Variants in KIAA0586 observed in about 807,000 individuals in gnomAD.
KIAA0586 encodes the protein protein TALPID3.
Under a neutral mutation model 169.8 loss-of-function variants are expected in KIAA0586, and 144 were observed. That is an observed-to-expected ratio of 0.85 (90% CI 0.74 to 0.97). KIAA0586 has a LOEUF of 0.97. KIAA0586 is among the 50% of genes least tolerant of loss of function. The probability of loss-of-function intolerance (pLI) is 0.00; values close to 1 mark genes in which losing one functional copy is unlikely to be tolerated. For missense variants in KIAA0586, 1,854 were observed against 1,823.0 expected (o/e 1.02, Z -0.31); for synonymous variants, 625 against 612.4 (o/e 1.02, Z -0.30).
chr14:58,462,236 T>G (rs2040383448), intron 14 of KIAA0586, among the ~76,000 whole-genome samples: 1 of 145,992 alleles, frequency 6.8e-6, no homozygotes, highest in African/African-American at 2.5e-5. Context: ...TCTTATTTAG[T>G]GTAGTTTTGC....
chr14:58,556,028 AT>A (rs1368336787), downstream of KIAA0586, among the ~76,000 whole-genome samples: 1 of 152,232 alleles, frequency 6.6e-6, no homozygotes, highest in Non-Finnish European at 1.5e-5. Context: ...CTTATAATGC[AT>A]TTTCAATGTC....
intron 26 of KIAA0586, among the ~76,000 whole-genome samples, chr14:58,493,059 C>A (rs1361486881): frequency 6.6e-6 from 1 of 151,938 alleles, no homozygotes; most frequent in African/African-American, 2.4e-5. Context: ...GAGTATGAAG[C>A]CATAAACAAA....
intron 28 of KIAA0586, among the ~76,000 whole-genome samples, chr14:58,510,832 T>C (rs2044334756): frequency 6.6e-6 from 1 of 151,960 alleles, no homozygotes. Flanking sequence ...TGGATGGTTC[T>C]TACAAAAGTT....
At position 58,467,800 on chromosome 14, in the gene KIAA0586, G is replaced by A. The variant is rs1377658072; in HGVS notation, c.2320G>A (p.Val774Ile). The A allele has an allele frequency of 4.5e-5, 72 of 1,613,484 alleles. No individual in the cohort carries two copies. The highest frequency in any genetic ancestry group is 5.8e-5 in the Non-Finnish European group (69 of 1,179,588). Residue 774 changes from valine to isoleucine, a missense_variant, in exon 16 of 31, where the codon GTA becomes ATA. Coordinates refer to ENST00000652326, the MANE Select transcript of KIAA0586 (RefSeq NM_001329943.3). ...AGTGATTGTCAGCAAGCCACACCCT[G>A]TAACTGTGACTACTTCTATTCCTCC... ...AGVIVSKPHP[V>I]TVTTSIPPSS... is the part of the protein sequence containing the mutation.
chr14:58,455,984 C>T (rs190300853), intron 9 of KIAA0586, among the ~76,000 whole-genome samples: 1 of 152,210 alleles, frequency 6.6e-6, no homozygotes, highest in East Asian at 1.9e-4. Flanking sequence ...CTTGTTTGCC[C>T]CAACTAGTGT....
chr14:58,540,829 ATACTT>A lies in KIAA0586; in HGVS notation c.4495+694_4495+698del, dbSNP rs570775305. Among the ~76,000 whole-genome samples, 185 of 152,368 alleles carry A rather than the reference ATACTT, an allele frequency of 1.2e-3. 1 individual carries two copies. Among genetic ancestry groups the A allele is most frequent in the African/African-American group, 4.4e-3 (181 of 41,588 alleles). ...AAAAGTAAATAAAATATTGCATACT[ATACTT>A]AACATCAAATGATGAGGCACCTTCT... On this transcript the variant is annotated intron_variant, in intron 30 of 30. Coordinates refer to ENST00000652326, the MANE Select transcript of KIAA0586 (RefSeq NM_001329943.3).
intron 27 of KIAA0586, among the ~76,000 whole-genome samples, chr14:58,502,948 C>T (rs958052365): frequency 2.0e-5 from 3 of 152,034 alleles, no homozygotes; most frequent in Non-Finnish European, 4.4e-5. Context: ...TTACTTTGCC[C>T]CTCCCCACCC....
At chr14:58,494,026 T>C (rs1337975819) in intron 26 of KIAA0586, among the ~76,000 whole-genome samples, 2 of 152,200 alleles carry the variant, frequency 1.3e-5, no homozygotes, top group East Asian at 1.9e-4. Context: ...CTAATATCAG[T>C]GTATTTATTC....
intron 2 of KIAA0586, among the ~76,000 whole-genome samples, chr14:58,430,132 A>G (rs2037238642): frequency 6.6e-6 from 1 of 151,998 alleles, no homozygotes; most frequent in Non-Finnish European, 1.5e-5. Flanking sequence ...TCCCTAAGTA[A>G]ATGCCTAGAC....
intron 28 of KIAA0586, among the ~76,000 whole-genome samples, chr14:58,510,959 A>G (rs2044343942): frequency 1.3e-5 from 2 of 152,118 alleles, no homozygotes; most frequent in Non-Finnish European, 2.9e-5. Flanking sequence ...GGGTGATGGT[A>G]GGAGTTAGAG....
chr14:58,539,469 T>G (rs989871393), intron 29 of KIAA0586, among the ~76,000 whole-genome samples: 1 of 152,234 alleles, frequency 6.6e-6, no homozygotes, highest in Admixed American at 6.5e-5. Flanking sequence ...CCAGAGTGTC[T>G]TGTTGGCCTG....
Position 58,428,229 on chromosome 14 carries a change from G to A in KIAA0586, c.-36G>A, listed in dbSNP as rs781284563. 9 of 1,598,342 alleles carry A rather than the reference G, an allele frequency of 5.6e-6. No individual in the cohort carries two copies. Among genetic ancestry groups the A allele is most frequent in the East Asian group, 2.2e-5 (1 of 44,644 alleles). Reference sequence around the variant, plus strand: ...TTAAGGAAACAGAGAAAGTTTTTCCGTCCTTAAGTGTGGGACTTGTTTTGT... The same window carrying A: ...TTAAGGAAACAGAGAAAGTTTTTCCATCCTTAAGTGTGGGACTTGTTTTGT... On this transcript the variant is annotated 5_prime_UTR_variant, in exon 1 of 31. Transcript: ENST00000652326.
chr14:58,470,800 C>T, intron 17 of KIAA0586, 77 bp downstream of exon 17: 1 of 684,786 alleles, frequency 1.5e-6, no homozygotes, highest in Non-Finnish European at 2.6e-6. Flanking sequence ...CATTTAAAGC[C>T]TTTTATCATA....
chr14:58,556,298 T>C, the KIAA0586 span, among the ~76,000 whole-genome samples: 3 of 152,204 alleles, frequency 2.0e-5, no homozygotes, highest in African/African-American at 7.2e-5. Context: ...ATCAACAGAG[T>C]ATTCTGTACA....
chr14:58,486,522 C>T (rs902418525), intron 21 of KIAA0586, among the ~76,000 whole-genome samples: 1 of 152,028 alleles, frequency 6.6e-6, no homozygotes. Flanking sequence ...TGCTCATCAT[C>T]ACTAATCATC....
chr14:58,429,296 A>T (rs183771884), intron 1 of KIAA0586, 67 bp from the exon 2 acceptor site: 30 of 918,466 alleles, frequency 3.3e-5, no homozygotes, highest in East Asian at 1.9e-4. Context: ...TGAATCATGC[A>T]TATACAGTTT....
At chr14:58,464,711 A>T (rs1017220466) in intron 14 of KIAA0586, among the ~76,000 whole-genome samples, 1 of 152,118 alleles carries the variant, frequency 6.6e-6, no homozygotes, top group African/African-American at 2.4e-5. Flanking sequence ...CCCTCAATGG[A>T]TGCCTGAAAC....
chr14:58,488,669 T>A lies in KIAA0586; in HGVS notation c.3576T>A (p.Pro1192=). 1 of 1,613,936 alleles carries A rather than the reference T, an allele frequency of 6.2e-7. No homozygotes were observed. Among genetic ancestry groups the A allele is most frequent in the Non-Finnish European group, 8.5e-7 (1 of 1,179,824 alleles). The change falls in exon 24 of 31, where the codon CCT becomes CCA. Residue 1192 remains proline, a synonymous_variant. Transcript: ENST00000652326. ...AAGAACCAGAGAGTATGGATTTCCC[T>A]GCTCAGCCTCCACCTCCAGAGCCAG... ...KDEEPESMDF[P]AQPPPPEPVP...
rs150802585 is a variant in KIAA0586 at position 58,439,004 on chromosome 14, A to G, written c.411-3702A>G. Among the ~76,000 whole-genome samples, 248 of 152,318 alleles carry G rather than the reference A, an allele frequency of 1.6e-3. 3 individuals carry two copies. The highest frequency in any genetic ancestry group is 6.8e-3 in the Middle Eastern group (2 of 294). On this transcript the variant is annotated intron_variant, in intron 4 of 30. Transcript: ENST00000652326. Reference sequence around the variant, plus strand: ...AACTGGAAGAATGGAATAGTTAGTAATAGGTGATGAAACCTTACGGTTGAG... The same window carrying G: ...AACTGGAAGAATGGAATAGTTAGTAGTAGGTGATGAAACCTTACGGTTGAG...
Sources: gnomAD v4.1 joint callset for allele counts (sites outside exome capture counted in the v4.1 genomes callset) on GRCh38, gnomAD v4.1.1 for gene constraint, MANE v1.5 for transcripts, NCBI Gene and HGNC (gene_info 2026-07-23, HGNC 2026-07-21) for gene names.